Variants in PDE4B observed in about 807,000 individuals in gnomAD.
The protein encoded by PDE4B is 3',5'-cyclic-AMP phosphodiesterase 4B.
In PDE4B, 20 loss-of-function variants were observed where a neutral mutation model predicts 82.2. The observed-to-expected ratio is 0.24, with a 90% CI of 0.17 to 0.35. The LOEUF (loss-of-function observed/expected upper bound fraction) is 0.35, where lower values mean the gene tolerates loss of function less well. Ranked by LOEUF, PDE4B falls within the 10% of genes least tolerant of loss-of-function variation. PDE4B has a pLI of 1.00. For synonymous variants in PDE4B, 320 were observed against 318.9 expected, an observed-to-expected ratio of 1.00 and a Z score of -0.04; for missense variants, 655 against 907.2, an observed-to-expected ratio of 0.72 and a Z score of 3.57.
intron 3 of PDE4B, among the ~76,000 whole-genome samples, chr1:66,138,749 A>G (rs907029726): frequency 6.6e-6 from 1 of 152,208 alleles, no homozygotes; most frequent in African/African-American, 2.4e-5. Context: ...GCACATATAT[A>G]AAACTTTAGA....
intron 3 of PDE4B, among the ~76,000 whole-genome samples, chr1:66,131,802 G>A (rs60954061): frequency 0.016 from 2,485 of 151,436 alleles, 61 homozygotes; most frequent in African/African-American, 0.057. Flanking sequence ...TCACAAGACC[G>A]TATATCATAC....
intron 3 of PDE4B, among the ~76,000 whole-genome samples, chr1:65,984,525 A>T (rs753793828): frequency 2.6e-5 from 4 of 152,198 alleles, no homozygotes; most frequent in Non-Finnish European, 5.9e-5. Context: ...TAACCAGGGA[A>T]GCTTTCAAAA....
chr1:65,916,976 A>C (rs1461270752), intron 2 of PDE4B, among the ~76,000 whole-genome samples: 2 of 152,200 alleles, frequency 1.3e-5, no homozygotes, highest in African/African-American at 4.8e-5. Context: ...GCACAAGAAA[A>C]TATAATGGTG....
intron 7 of PDE4B, among the ~76,000 whole-genome samples, chr1:66,291,713 A>C (rs983200533): frequency 1.3e-5 from 2 of 151,910 alleles, no homozygotes; most frequent in African/African-American, 4.8e-5. Context: ...CATAAGCTGC[A>C]CTCCATGGGC....
At chr1:65,915,179 T>G (rs1372675563) in intron 2 of PDE4B, among the ~76,000 whole-genome samples, 1 of 152,166 alleles carries the variant, frequency 6.6e-6, no homozygotes, top group Non-Finnish European at 1.5e-5. Flanking sequence ...AAATTATATG[T>G]GCAAATATAT....
chr1:65,996,247 T>C (rs1293936499), intron 3 of PDE4B, among the ~76,000 whole-genome samples: 1 of 152,134 alleles, frequency 6.6e-6, no homozygotes, highest in Non-Finnish European at 1.5e-5. Context: ...GAGAAAATAA[T>C]TCTAAAATCT....
intron 3 of PDE4B, among the ~76,000 whole-genome samples, chr1:66,029,055 A>G (rs1653613441): frequency 1.3e-5 from 2 of 152,100 alleles, no homozygotes; most frequent in Admixed American, 1.3e-4. Context: ...GTCCTTTTTC[A>G]CACTGCTTAT....
intron 3 of PDE4B, among the ~76,000 whole-genome samples, chr1:66,165,022 A>G (rs1239240857): frequency 6.6e-6 from 1 of 151,990 alleles, no homozygotes; most frequent in African/African-American, 2.4e-5. Flanking sequence ...TGGCCTCCCA[A>G]AGTGCTGGGA....
At chr1:65,998,468 T>C (rs1366854848) in intron 3 of PDE4B, among the ~76,000 whole-genome samples, 2 of 152,028 alleles carry the variant, frequency 1.3e-5, no homozygotes, top group Non-Finnish European at 2.9e-5. Context: ...ATTATTTTTA[T>C]TTTGGAAAGG....
chr1:66,349,702 G>A (rs958234874), intron 8 of PDE4B, among the ~76,000 whole-genome samples: 5 of 152,012 alleles, frequency 3.3e-5, no homozygotes, highest in African/African-American at 7.2e-5. Flanking sequence ...GAGTTTATAG[G>A]GAAACACAAA....
chr1:66,337,581 G>A (rs1660627897), intron 8 of PDE4B, among the ~76,000 whole-genome samples: 1 of 152,200 alleles, frequency 6.6e-6, no homozygotes, highest in Non-Finnish European at 1.5e-5. Flanking sequence ...AGGACATGGG[G>A]AAAGAGGAGG....
At chr1:66,157,328 CT>C (rs1273135139) in intron 3 of PDE4B, among the ~76,000 whole-genome samples, 1 of 152,192 alleles carries the variant, frequency 6.6e-6, no homozygotes, top group East Asian at 1.9e-4. Context: ...AGCTTTTTAA[CT>C]TGGTTCTTCA....
At chr1:66,163,743 T>C (rs1342334847) in intron 3 of PDE4B, among the ~76,000 whole-genome samples, 1 of 152,198 alleles carries the variant, frequency 6.6e-6, no homozygotes, top group Non-Finnish European at 1.5e-5. Context: ...ATTAGTGAAA[T>C]AAAATAAGTG....
chr1:66,162,415 A>G (rs1412823519), intron 3 of PDE4B, among the ~76,000 whole-genome samples: 1 of 135,232 alleles, frequency 7.4e-6, no homozygotes, highest in Admixed American at 8.9e-5. Flanking sequence ...TACTCCTGTG[A>G]TGCTCTCATT....
intron 3 of PDE4B, among the ~76,000 whole-genome samples, chr1:66,137,203 G>C (rs1646076197): frequency 1.3e-5 from 2 of 152,124 alleles, no homozygotes; most frequent in Admixed American, 6.5e-5. Flanking sequence ...GAAGGAAGAA[G>C]GATAATTGAT....
chr1:66,320,502 T>G (rs755341907), intron 7 of PDE4B, among the ~76,000 whole-genome samples: 1 of 152,202 alleles, frequency 6.6e-6, no homozygotes, highest in African/African-American at 2.4e-5. Context: ...GGTGATTTGT[T>G]TGGAGACTAG....
intron 1 of PDE4B, among the ~76,000 whole-genome samples, chr1:65,908,794 C>A (rs888235343): frequency 2.0e-5 from 3 of 152,080 alleles, no homozygotes; most frequent in African/African-American, 4.8e-5. Flanking sequence ...CATCTCAACA[C>A]CTTCCTTAGA....
At chr1:65,895,600 G>T (rs555271776) in intron 1 of PDE4B, among the ~76,000 whole-genome samples, 1 of 149,980 alleles carries the variant, frequency 6.7e-6, no homozygotes, top group South Asian at 2.1e-4. Flanking sequence ...TAAATATGGG[G>T]TCTACATGAA....
chr1:66,232,523 G>A (rs1428334561), intron 3 of PDE4B, among the ~76,000 whole-genome samples: 2 of 152,138 alleles, frequency 1.3e-5, no homozygotes, highest in Non-Finnish European at 2.9e-5. Context: ...ATAAAAGCTT[G>A]ATAAAATCAC....
Sources: gnomAD v4.1 joint callset for allele counts (sites outside exome capture counted in the v4.1 genomes callset) on GRCh38, gnomAD v4.1.1 for gene constraint, MANE v1.5 for transcripts, NCBI Gene and HGNC (gene_info 2026-07-23, HGNC 2026-07-21) for gene names.